Variants in PLEC observed in about 807,000 individuals in gnomAD.
PLEC encodes the protein plectin.
In PLEC, 216 loss-of-function variants were observed where a neutral mutation model predicts 392.8. The observed-to-expected ratio is 0.55, with a 90% CI of 0.49 to 0.62. The LOEUF (loss-of-function observed/expected upper bound fraction) is 0.62, where lower values mean the gene tolerates loss of function less well. Ranked by LOEUF, PLEC falls within the 20% of genes least tolerant of loss-of-function variation. PLEC has a pLI of 0.00. For synonymous variants in PLEC, 3,621 were observed against 2,980.6 expected, an observed-to-expected ratio of 1.21 and a Z score of -7.00; for missense variants, 6,863 against 6,563.4, an observed-to-expected ratio of 1.05 and a Z score of -1.58.
rs782656731 is a variant in PLEC, at chr8:143,924,006, G to A, written c.5923C>T (p.Leu1975=). 1.6e-5 allele frequency: 26 copies of A among 1,586,086 alleles called. No individual in the cohort carries two copies. Among genetic ancestry groups the A allele is most frequent in the African/African-American group, 4.0e-5 (3 of 74,532 alleles). The change falls in exon 31 of 32, where the codon CTG becomes TTG. Residue 1975 remains leucine, a synonymous_variant. Coordinates refer to ENST00000345136, the MANE Select transcript of PLEC (RefSeq NM_201384.3). Reference sequence around the variant, plus strand: ...CGCCGCCGCTCCTCCTCCGCCGCCAGCTGCCGCTGCCTCGCAGCCTCCAGC... The same window carrying A: ...CGCCGCCGCTCCTCCTCCGCCGCCAACTGCCGCTGCCTCGCAGCCTCCAGC... ...AELEAARQRQ[L]AAEEERRRRE... is the part of the protein sequence containing the mutation.
chr8:143,925,144 G>A lies in PLEC; in HGVS notation c.4785C>T (p.Ser1595=), dbSNP rs1554700896. ...CCACAGCCACGTGTTCCTCCTGCAGGGAGCGCTCCAGCTGTGCCGTCTTCT... is the reference window on the plus strand; with the variant it reads ...CCACAGCCACGTGTTCCTCCTGCAGAGAGCGCTCCAGCTGTGCCGTCTTCT... The part of the protein sequence containing the change: ...FAEKTAQLER[S]LQEEHVAVAQ... Residue 1595 remains serine, a synonymous_variant, in exon 31 of 32, where the codon TCC becomes TCT. Transcript: ENST00000345136. 5 of 1,558,270 alleles carry A rather than the reference G, an allele frequency of 3.2e-6. No homozygotes were observed. The highest frequency in any genetic ancestry group is 3.7e-5 in the Admixed American group (2 of 54,540).
upstream of PLEC, among the ~76,000 whole-genome samples, chr8:143,956,248 A>G (rs1832588135): frequency 6.6e-6 from 1 of 152,140 alleles, no homozygotes; most frequent in Admixed American, 6.5e-5. Context: ...ACGCCCGGCC[A>G]GGGAGATTTT....
At chr8:143,950,838 G>A in exon 1 of PLEC, 1 of 1,481,548 alleles carries the variant, frequency 6.7e-7, no homozygotes, top group Non-Finnish European at 8.9e-7. Context: ...AGGCGGGCGG[G>A]CAGGCAGGCT....
chr8:143,942,757 G>A (rs1830745008), upstream of PLEC, among the ~76,000 whole-genome samples: 1 of 152,268 alleles, frequency 6.6e-6, no homozygotes, highest in Non-Finnish European at 1.5e-5. Flanking sequence ...CGGGCTGGGA[G>A]GCTGCCCTGG....
chr8:143,933,052 T>G lies in PLEC; in HGVS notation c.1478A>C (p.Lys493Thr). The part of the protein sequence containing the change: ...AIRTEYNLRL[K>T]AGVAAPATQV... ...GGTTGCAGGGGCCGCCACGCCTGCC[T>G]TCAGCCGTAGGTTGTACTCGGTGCG... Residue 493 changes from lysine to threonine, a missense_variant, in exon 14 of 32, where the codon AAG (lysine) becomes ACG (threonine). Coordinates refer to ENST00000345136, the MANE Select transcript of PLEC (RefSeq NM_201384.3). The G allele has an allele frequency of 6.3e-7, 1 of 1,593,384 alleles. No individual in the cohort carries two copies. The highest frequency in any genetic ancestry group is 8.5e-7 in the Non-Finnish European group (1 of 1,171,420).
chr8:143,943,225 C>G (rs1830830088), upstream of PLEC, among the ~76,000 whole-genome samples: 1 of 152,218 alleles, frequency 6.6e-6, no homozygotes, highest in Admixed American at 6.5e-5. Flanking sequence ...GCCAGAAGCC[C>G]ATAATTGAGG....
In PLEC at chr8:143,923,175, G is replaced by T. The variant is rs782530517; in HGVS notation, c.6754C>A (p.Arg2252Ser). 3.7e-6 allele frequency: 6 copies of T among 1,602,520 alleles called. No homozygotes were observed. The highest frequency in any genetic ancestry group is 5.1e-6 in the Non-Finnish European group (6 of 1,179,880). The change falls in exon 31 of 32, where the codon CGC (arginine) becomes AGC (serine). Residue 2252 changes from arginine to serine, a missense_variant. By Grantham distance (110) the Arg-to-Ser change is moderately radical. Transcript: ENST00000345136. ...KLKARIEAEN[R>S]ALILRDKDNT... ...TCCTTGTCACGCAAGATGAGTGCGCGGTTCTCAGCCTCGATGCGTGCCTTG... is the reference window on the plus strand; with the variant it reads ...TCCTTGTCACGCAAGATGAGTGCGCTGTTCTCAGCCTCGATGCGTGCCTTG...
At chr8:143,938,444 AG>A (rs1554725585) in intron 2 of PLEC, 186 bp downstream of exon 2, 1 of 1,541,086 alleles carries the variant, frequency 6.5e-7, no homozygotes, top group South Asian at 1.2e-5. Flanking sequence ...AAAGACCAGA[AG>A]GAAGAGGAGG....
At chr8:143,961,362 A>C (rs1156307572) in intron 1 of PLEC, among the ~76,000 whole-genome samples, 1 of 151,902 alleles carries the variant, frequency 6.6e-6, no homozygotes, top group Non-Finnish European at 1.5e-5. Context: ...CGTAGCGGGG[A>C]TTACAGGCGT....
chr8:143,975,142 C>A, upstream of PLEC: 2 of 1,592,528 alleles, frequency 1.3e-6, no homozygotes, highest in Non-Finnish European at 8.5e-7. This position sits in a 1 kb window ranked among gnomAD's most constrained non-coding sequence, Gnocchi z 9.9. Context: ...CCTCGCGTGC[C>A]AAGGAGGTGC....
At position 143,918,215 on chromosome 8, in the gene PLEC, CCGT is replaced by C. The variant is rs782034895; in HGVS notation, c.11603_11605del (p.Asp3868del). On this transcript the variant is annotated inframe_deletion, in exon 32 of 32. Transcript: ENST00000345136. ...CAGTGGCAGGAGCAGCTGGCCGGTG[CCGT>C]CGTCACGACGGCACCGCCTGAGCAG... 2 of 1,576,622 alleles carry C rather than the reference CCGT, an allele frequency of 1.3e-6. No individual in the cohort carries two copies. The highest frequency in any genetic ancestry group is 1.7e-6 in the Non-Finnish European group (2 of 1,169,466).
chr8:143,928,351 G>A (rs1825976656), intron 25 of PLEC, among the ~76,000 whole-genome samples: 1 of 152,284 alleles, frequency 6.6e-6, no homozygotes, highest in Admixed American at 6.5e-5. Context: ...GCCCAAGACT[G>A]GGCGAAGGGG....
rs782569572 is a variant in PLEC at position 143,939,465 on chromosome 8, G to A, written c.-4C>T. On this transcript the variant is annotated 5_prime_UTR_variant, in exon 1 of 32. Coordinates refer to ENST00000345136, the MANE Select transcript of PLEC (RefSeq NM_201384.3). ...CGCGGAGCTGGTGCTGAGACATGCT[G>A]CCCCCACACCTTCGTCGCCCGGACC... 3 of 1,610,156 alleles carry A rather than the reference G, an allele frequency of 1.9e-6. No homozygotes were observed. Among genetic ancestry groups the A allele is most frequent in the African/African-American group, 1.3e-5 (1 of 75,008 alleles).
At position 143,916,771 on chromosome 8, in the gene PLEC, G is replaced by A. The variant is rs2130810743; in HGVS notation, c.13050C>T (p.Asn4350=). ...AGCCGCAGAAGGCCTTCTGGGCCAG[G>A]TTGATGCGGTCCACCATGATCTTGT... The part of the protein sequence containing the change: ...LVDKIMVDRI[N]LAQKAFCGFE... The change falls in exon 32 of 32, where the codon AAC becomes AAT. Residue 4350 remains asparagine (N), a synonymous_variant. Transcript: ENST00000345136. The A allele has an allele frequency of 6.2e-7, 1 of 1,613,330 alleles. No homozygotes were observed. Among genetic ancestry groups the A allele is most frequent in the South Asian group, 1.1e-5 (1 of 91,084 alleles).
chr8:143,942,241 A>T, upstream of PLEC: 1 of 616,996 alleles, frequency 1.6e-6, no homozygotes, highest in Non-Finnish European at 2.4e-6. Flanking sequence ...CTTCCTCCCC[A>T]GGTGTTTCCG....
At chr8:143,943,802 C>A (rs201452014), upstream of PLEC, 333 of 1,612,192 alleles carry the variant, frequency 2.1e-4, 3 homozygotes, top group East Asian at 7.2e-3. Flanking sequence ...CGCCCACCGA[C>A]GTCCCCTGCG....
Position 143,924,904 on chromosome 8 carries a change from C to A in PLEC, c.5025G>T (p.Arg1675=). The A allele has an allele frequency of 6.3e-7, 1 of 1,588,202 alleles. No homozygotes were observed. The highest frequency in any genetic ancestry group is 2.3e-5 in the East Asian group (1 of 44,294). Reference sequence around the variant, plus strand: ...CGGCCTGCTCCTCCGCCTTGCCGCGCCGCCGCGCCTCGCGCTCCGCCTCCT... The same window carrying A: ...CGGCCTGCTCCTCCGCCTTGCCGCGACGCCGCGCCTCGCGCTCCGCCTCCT... ...QKEEAEREAR[R]RGKAEEQAVR... Residue 1675 remains arginine (R), a synonymous_variant, in exon 31 of 32, where the codon CGG becomes CGT. Transcript: ENST00000345136.
At chr8:143,934,238 C>CG (rs1430754387) in intron 11 of PLEC, 80 bp downstream of exon 11, 1 of 1,599,454 alleles carries the variant, frequency 6.3e-7, no homozygotes, top group African/African-American at 1.3e-5. Flanking sequence ...CCGCCGGGGG[C>CG]GGGGCGGGGA....
At chr8:143,966,984 A>G (rs76153953) in intron 1 of PLEC, among the ~76,000 whole-genome samples, 4,201 of 152,314 alleles carry the variant, frequency 0.028, 84 homozygotes, top group Admixed American at 0.045. Flanking sequence ...TGTTTTTCTA[A>G]AAGAAGGCCA....
Sources: gnomAD v4.1 joint callset for allele counts (sites outside exome capture counted in the v4.1 genomes callset) on GRCh38, gnomAD v4.1.1 for gene constraint, Gnocchi (gnomAD v3.1) non-coding constraint, MANE v1.5 for transcripts, NCBI Gene and HGNC (gene_info 2026-07-23, HGNC 2026-07-21) for gene names.